The following ZBTB7C variants were observed in gnomAD, a reference collection of about 807,000 sequenced individuals.
ZBTB7C encodes the protein zinc finger and BTB domain-containing protein 7C.
A neutral mutation model predicts 25.7 loss-of-function variants in ZBTB7C; 8 were observed. The observed-to-expected ratio is 0.31, with a 90% confidence interval of 0.18 to 0.56. The LOEUF (loss-of-function observed/expected upper bound fraction) is 0.56, where lower values mean the gene tolerates loss of function less well. Among genes scored for constraint, ZBTB7C ranks in the 20% least tolerant of loss-of-function variants. ZBTB7C has a pLI of 0.91. For synonymous variants in ZBTB7C, 394 were observed against 369.0 expected, an observed-to-expected ratio of 1.07 and a Z score of -0.78; for missense variants, 824 against 855.2, an observed-to-expected ratio of 0.96 and a Z score of 0.46.
At chr18:48,405,277 G>A (rs574594056) in intron 1 of ZBTB7C, among the ~76,000 whole-genome samples, 2 of 152,202 alleles carry the variant, frequency 1.3e-5, no homozygotes, top group South Asian at 2.1e-4. Context: ...CCTATTTGGG[G>A]CAGAGTCAGG....
At chr18:48,178,725 A>C (rs1335529017) in intron 3 of ZBTB7C, among the ~76,000 whole-genome samples, 1 of 152,172 alleles carries the variant, frequency 6.6e-6, no homozygotes, top group Non-Finnish European at 1.5e-5. Context: ...GTCTACTTGA[A>C]AGTAAAGACG....
chr18:48,078,719 G>C (rs2037868200), intron 3 of ZBTB7C, among the ~76,000 whole-genome samples: 1 of 152,168 alleles, frequency 6.6e-6, no homozygotes, highest in African/African-American at 2.4e-5. Flanking sequence ...AGGGTGGGGG[G>C]CTCTGGGCTT....
At chr18:48,188,627 G>A (rs2042120063) in intron 2 of ZBTB7C, among the ~76,000 whole-genome samples, 3 of 152,168 alleles carry the variant, frequency 2.0e-5, no homozygotes, top group Admixed American at 2.0e-4. Flanking sequence ...CAGAGAGAGG[G>A]GTCTGAGCAT....
At chr18:48,089,314 C>CA (rs2038318271) in intron 3 of ZBTB7C, among the ~76,000 whole-genome samples, 1 of 151,624 alleles carries the variant, frequency 6.6e-6, no homozygotes, top group South Asian at 2.1e-4. Flanking sequence ...GCTAAAAATA[C>CA]AAAAAATTAG....
intron 1 of ZBTB7C, among the ~76,000 whole-genome samples, chr18:48,367,292 CTA>C (rs2047259385): frequency 1.7e-5 from 2 of 114,626 alleles, no homozygotes; most frequent in South Asian, 5.5e-4. Context: ...AAATATGTAT[CTA>C]TACATATATG....
chr18:48,160,142 G>T (rs2040959122), intron 3 of ZBTB7C, among the ~76,000 whole-genome samples: 1 of 152,206 alleles, frequency 6.6e-6, no homozygotes, highest in Admixed American at 6.5e-5. Flanking sequence ...GACCAAAGAT[G>T]ATGCCAGGCT....
intron 3 of ZBTB7C, among the ~76,000 whole-genome samples, chr18:48,101,877 C>T (rs374999095): frequency 2.0e-5 from 3 of 152,298 alleles, no homozygotes; most frequent in South Asian, 2.1e-4. Context: ...GGCTGGTTCG[C>T]TCTCTCTGCA....
intron 2 of ZBTB7C, among the ~76,000 whole-genome samples, chr18:48,277,854 C>A (rs534335605): frequency 1.0e-4 from 15 of 150,276 alleles, no homozygotes; most frequent in Non-Finnish European, 3.0e-5. Flanking sequence ...TTTTTTAAAT[C>A]GACCCCCTTC....
At position 48,083,920 on chromosome 18, in the gene ZBTB7C, T is replaced by C. The variant is rs2038085107; in HGVS notation, c.-16-42797A>G. Reference sequence around the variant, plus strand: ...GACCCATTTGGTGAACTTCCAATCCTGTTGGTTGAAGCAGGCCTTTAAACA... The same window carrying C: ...GACCCATTTGGTGAACTTCCAATCCCGTTGGTTGAAGCAGGCCTTTAAACA... On this transcript the variant is annotated intron_variant, in intron 3 of 4. Coordinates refer to ENST00000590800, the MANE Select transcript of ZBTB7C (RefSeq NM_001318841.2). The C allele has an allele frequency of 9.1e-6, 9 of 984,990 alleles. No individual in the cohort carries two copies. In the South Asian group the frequency reaches 3.8e-4, roughly 41 times the overall value. 61.0% of individuals were successfully genotyped at this position (984,990 alleles called of 1,614,324 possible).
At chr18:48,135,746 C>A (rs532950473) in intron 3 of ZBTB7C, among the ~76,000 whole-genome samples, 1 of 152,316 alleles carries the variant, frequency 6.6e-6, no homozygotes, top group African/African-American at 2.4e-5. Flanking sequence ...CAAGCCAGCG[C>A]GCCCCTCCCC....
rs3935042 is a variant in ZBTB7C, at chr18:48,064,803, C to T, written c.-16-23680G>A. Reference sequence around the variant, plus strand: ...AGAAGAAGGTGGTCCCAAGGCAGGGCCCCCCGGGAGGAGTAGGATGCAGGC... The same window carrying T: ...AGAAGAAGGTGGTCCCAAGGCAGGGTCCCCCGGGAGGAGTAGGATGCAGGC... On this transcript the variant is annotated intron_variant, in intron 3 of 4. Transcript: ENST00000590800. 6.9e-3 allele frequency among the ~76,000 whole-genome samples: 1,050 copies of T among 152,160 alleles called. 45 individuals are homozygous for T. The highest frequency in any genetic ancestry group is 0.061 in the Admixed American group (930 of 15,296).
intron 3 of ZBTB7C, among the ~76,000 whole-genome samples, chr18:48,100,274 T>C (rs2038784493): frequency 6.6e-6 from 1 of 152,208 alleles, no homozygotes; most frequent in African/African-American, 2.4e-5. Context: ...TGAGGTCACT[T>C]GGAGTAACGA....
chr18:48,384,133 A>G (rs2047693702), intron 1 of ZBTB7C, among the ~76,000 whole-genome samples: 3 of 152,178 alleles, frequency 2.0e-5, no homozygotes, highest in Admixed American at 2.0e-4. Context: ...CTTCATTGAC[A>G]AAGGTGAAGG....
At chr18:48,186,263 A>C (rs907401891) in intron 2 of ZBTB7C, among the ~76,000 whole-genome samples, 3 of 152,134 alleles carry the variant, frequency 2.0e-5, no homozygotes, top group African/African-American at 7.2e-5. Flanking sequence ...CACTGCCTCC[A>C]ATTCCCTGAA....
At chr18:48,089,240 G>A (rs2038314334) in intron 3 of ZBTB7C, among the ~76,000 whole-genome samples, 1 of 151,938 alleles carries the variant, frequency 6.6e-6, no homozygotes, top group African/African-American at 2.4e-5. Context: ...AGGCTGAGGC[G>A]GGTGGATCAC....
At chr18:48,358,891 G>A (rs1227926991) in intron 1 of ZBTB7C, among the ~76,000 whole-genome samples, 2 of 152,138 alleles carry the variant, frequency 1.3e-5, no homozygotes, top group Non-Finnish European at 2.9e-5. Context: ...TTAAAAACTA[G>A]TCCCGGTTTC....
At chr18:48,248,144 G>C (rs997603523) in intron 2 of ZBTB7C, among the ~76,000 whole-genome samples, 3 of 152,038 alleles carry the variant, frequency 2.0e-5, no homozygotes, top group African/African-American at 7.3e-5. Flanking sequence ...ATGTGGAACT[G>C]TGTCCACTAA....
At chr18:48,303,557 A>C (rs1351459169) in intron 2 of ZBTB7C, among the ~76,000 whole-genome samples, 1 of 152,220 alleles carries the variant, frequency 6.6e-6, no homozygotes, top group Non-Finnish European at 1.5e-5. Context: ...TGAGGCTTTG[A>C]GTTTATCATG....
intron 3 of ZBTB7C, among the ~76,000 whole-genome samples, chr18:48,055,975 T>C (rs780826765): frequency 1.6e-4 from 25 of 152,196 alleles, no homozygotes; most frequent in Non-Finnish European, 3.4e-4. Flanking sequence ...GCTTCCCATT[T>C]GAAGTCTCAA....
Sources: gnomAD v4.1 joint callset for allele counts (sites outside exome capture counted in the v4.1 genomes callset) on GRCh38, gnomAD v4.1.1 for gene constraint, MANE v1.5 for transcripts, NCBI Gene and HGNC (gene_info 2026-07-23, HGNC 2026-07-21) for gene names.